The following HELLS variants were observed in gnomAD, a reference collection of about 807,000 sequenced individuals.
HELLS encodes the protein helicase, lymphoid specific.
In HELLS, 32 loss-of-function variants were observed where a neutral mutation model predicts 120.0. That is an observed-to-expected ratio of 0.27 (90% CI 0.20 to 0.36). The LOEUF is 0.36. HELLS is among the 10% of genes least tolerant of loss of function. The pLI, the probability that HELLS is intolerant of heterozygous loss-of-function variation, is 1.00. For missense variants in HELLS, 650 were observed against 993.4 expected (o/e 0.65, Z 4.65); for synonymous variants, 341 against 323.4 (o/e 1.05, Z -0.58).
chr10:94,577,135 T>TC (rs1844530310), intron 10 of HELLS: 1 of 442,254 alleles, frequency 2.3e-6, no homozygotes, highest in Admixed American at 3.1e-5. Context: ...CGTATTTTAA[T>TC]CAAATAAGAG....
chr10:94,550,232 T>TA (rs1180155172), intron 2 of HELLS, among the ~76,000 whole-genome samples: 1 of 151,762 alleles, frequency 6.6e-6, no homozygotes, highest in East Asian at 1.9e-4. Flanking sequence ...TTTTTTTTTT[T>TA]AGGAAAAATT....
At chr10:94,591,228 A>G (rs1845475084) in intron 15 of HELLS, among the ~76,000 whole-genome samples, 1 of 152,210 alleles carries the variant, frequency 6.6e-6, no homozygotes, top group Non-Finnish European at 1.5e-5. Flanking sequence ...TTTACTTGTT[A>G]TATTTTAGAG....
chr10:94,596,882 T>G lies in HELLS; in HGVS notation c.2271T>G (p.Ser757=). The G allele has an allele frequency of 6.7e-7, 1 of 1,495,670 alleles. No homozygotes were observed. The highest frequency in any genetic ancestry group is 2.3e-5 in the East Asian group (1 of 44,176). The allele number at this position is 1,495,670 out of a possible 1,614,324, so 92.6% of individuals were successfully genotyped here. A position where few individuals can be genotyped will look rare whatever the true frequency, so the allele number is the denominator to read the frequency against. Residue 757 remains serine (S), a synonymous_variant, in exon 20 of 22, where the codon TCT becomes TCG. Coordinates refer to ENST00000348459, the MANE Select transcript of HELLS (RefSeq NM_018063.5). ...TAGATCATTTCAAAGGTGGTCAGTCTGGATTAAATCTGTCTAAGAATTTCT... is the reference window on the plus strand; with the variant it reads ...TAGATCATTTCAAAGGTGGTCAGTCGGGATTAAATCTGTCTAAGAATTTCT... ...IHKNHFKGGQ[S]GLNLSKNFLD... is the part of the protein sequence containing the mutation.
intron 10 of HELLS, chr10:94,577,008 A>G (rs1844524478): frequency 1.7e-6 from 1 of 600,874 alleles, no homozygotes; most frequent in Admixed American, 3.0e-5. Flanking sequence ...TAACAATATA[A>G]TTAAAGCTTA....
intron 9 of HELLS, among the ~76,000 whole-genome samples, chr10:94,576,265 C>T (rs950522189): frequency 5.9e-5 from 9 of 152,176 alleles, no homozygotes; most frequent in African/African-American, 2.2e-4. Flanking sequence ...CCTCCCATCT[C>T]ACTCCACTGG....
At chr10:94,575,483 TTATA>T (rs1300664880) in intron 9 of HELLS, among the ~76,000 whole-genome samples, 4 of 150,880 alleles carry the variant, frequency 2.7e-5, no homozygotes. Flanking sequence ...TTTTATATAT[TTATA>T]TATATATTAT....
exon 10 of HELLS, chr10:94,610,384 C>G (rs12266316): frequency 4.6e-5 from 7 of 151,390 alleles, no homozygotes; most frequent in African/African-American, 1.5e-4. Context: ...TGGCCGAGAT[C>G]GCGTCACTGC....
At chr10:94,586,985 G>C (rs1198876165) in intron 12 of HELLS, among the ~76,000 whole-genome samples, 1 of 152,072 alleles carries the variant, frequency 6.6e-6, no homozygotes, top group Non-Finnish European at 1.5e-5. Context: ...GTGAGCTACT[G>C]CGTCCGACCT....
chr10:94,601,429 C>A (rs1846025862), intron 21 of HELLS, 99 bp from the exon 22 acceptor site: 7 of 684,638 alleles, frequency 1.0e-5, no homozygotes, highest in Non-Finnish European at 1.8e-5. Context: ...TAATTTTGGA[C>A]AGATGACTCA....
At chr10:94,585,315 C>T (rs946199821) in intron 12 of HELLS, among the ~76,000 whole-genome samples, 1 of 148,914 alleles carries the variant, frequency 6.7e-6, no homozygotes, top group Non-Finnish European at 1.5e-5. Flanking sequence ...TTTCCTTCTG[C>T]ACTTCCTTTC....
rs1403224288 is a variant in HELLS, at chr10:94,574,698, C to T, written c.850C>T (p.Pro284Ser). The T allele has an allele frequency of 6.2e-7, 1 of 1,613,504 alleles. No individual in the cohort carries two copies. Among genetic ancestry groups the T allele is most frequent in the South Asian group, 1.1e-5 (1 of 91,006 alleles). Residue 284 changes from proline to serine, a missense_variant, in exon 9 of 22, where the codon CCT becomes TCT. By Grantham distance (74) the Pro-to-Ser change is moderately conservative. This residue lies in a region of HELLS where 61 missense variants were observed against 86.5 expected (regional missense o/e 0.71). Coordinates refer to ENST00000348459, the MANE Select transcript of HELLS (RefSeq NM_018063.5). ...FLVCGPLSTL[P>S]NWMAEFKRFT... ...TGTCTGTGGCCCTTTGTCTACACTT[C>T]CTAACTGGATGGCTGAATTCAAAAG...
At chr10:94,594,906 G>C (rs1278505626) in intron 19 of HELLS, 52 bp downstream of exon 19, 1 of 1,372,074 alleles carries the variant, frequency 7.3e-7, no homozygotes, top group South Asian at 1.3e-5. Context: ...ATTGTGTGTT[G>C]TGGATTTTGT....
Position 94,574,719 on chromosome 10 carries a change from A to G in HELLS, c.871A>G (p.Lys291Glu). 6.2e-7 allele frequency: 1 copy of G among 1,613,022 alleles called. No homozygotes were observed. Among genetic ancestry groups the G allele is most frequent in the Non-Finnish European group, 8.5e-7 (1 of 1,179,394 alleles). The part of the protein sequence containing the change: ...STLPNWMAEF[K>E]RFTPDIPTML... ...ACTTCCTAACTGGATGGCTGAATTC[A>G]AAAGATTTACACCAGATGTAAGACA... The change falls in exon 9 of 22, where the codon AAA (lysine) becomes GAA (glutamate). Residue 291 changes from lysine (K) to glutamate (E), a missense_variant. Around this residue, in one of 9 missense-constraint regions of HELLS, gnomAD observed 61 missense variants for 86.5 expected, o/e 0.71. Coordinates refer to ENST00000348459, the MANE Select transcript of HELLS (RefSeq NM_018063.5).
chr10:94,574,085 A>C lies in HELLS; in HGVS notation c.603A>C (p.Pro201=), dbSNP rs1408924301. The C allele has an allele frequency of 1.2e-6, 2 of 1,613,988 alleles. No individual in the cohort carries two copies. Among genetic ancestry groups the C allele is most frequent in the Non-Finnish European group, 8.5e-7 (1 of 1,179,886 alleles). Residue 201 remains proline (P), a synonymous_variant, in exon 8 of 22, where the codon CCA becomes CCC. Transcript: ENST00000348459. ...VRQNTKFFFD[P]VRKCNGQPVP... ...AGAATACTAAATTCTTTTTTGACCC[A>C]GTCCGGAAGTGTAATGGTCAGCCAG...
chr10:94,577,181 G>T, intron 10 of HELLS: 1 of 339,956 alleles, frequency 2.9e-6, no homozygotes, highest in Non-Finnish European at 5.6e-6. Context: ...GTATCTTATT[G>T]GACTATTTGG....
intron 10 of HELLS, among the ~76,000 whole-genome samples, chr10:94,577,827 C>A (rs1033168374): frequency 6.6e-6 from 1 of 151,648 alleles, no homozygotes; most frequent in Non-Finnish European, 1.5e-5. Context: ...TTTGGGAGGC[C>A]GAGGCGGGTG....
intron 10 of HELLS, among the ~76,000 whole-genome samples, chr10:94,578,668 G>T (rs998442537): frequency 6.6e-6 from 1 of 152,142 alleles, no homozygotes; most frequent in African/African-American, 2.4e-5. Context: ...GGTTGGCTGG[G>T]CAACCAAGTG....
chr10:94,569,073 C>T (rs1322294142), intron 6 of HELLS: 1 of 152,070 alleles, frequency 6.6e-6, no homozygotes, highest in Non-Finnish European at 1.5e-5. Context: ...CTCCTGACCT[C>T]AGGTGACCCG....
chr10:94,571,781 C>T (rs533233139), intron 7 of HELLS, among the ~76,000 whole-genome samples: 1 of 152,320 alleles, frequency 6.6e-6, no homozygotes, highest in East Asian at 1.9e-4. Flanking sequence ...AATCTTGCTT[C>T]AGACCTTAAA....
Sources: gnomAD v4.1 joint callset for allele counts (sites outside exome capture counted in the v4.1 genomes callset) on GRCh38, gnomAD v4.1.1 for gene constraint, gnomAD v4.1.1 regional missense constraint, MANE v1.5 for transcripts, NCBI Gene and HGNC (gene_info 2026-07-23, HGNC 2026-07-21) for gene names.